Variants in ANO2 observed in about 807,000 individuals in gnomAD.
The protein encoded by ANO2 is anoctamin 2.
In ANO2, 101 loss-of-function variants were observed where a neutral mutation model predicts 124.2. The ratio of observed to expected loss-of-function variants is 0.81; its 90% CI spans 0.69 to 0.96. The LOEUF is 0.96. Ranked by LOEUF, ANO2 falls within the 40% of genes least tolerant of loss-of-function variation. ANO2 has a pLI of 0.00. For synonymous variants in ANO2, 486 were observed against 482.5 expected (o/e 1.01, Z -0.09); for missense variants, 1,293 against 1,274.5 (o/e 1.01, Z -0.22).
At chr12:5,716,930 T>C (rs1382528560) in intron 14 of ANO2, among the ~76,000 whole-genome samples, 2 of 152,194 alleles carry the variant, frequency 1.3e-5, no homozygotes, top group Admixed American at 1.3e-4. Context: ...CCCACGGCCC[T>C]AGACCAAGCA....
chr12:5,672,781 T>C (rs910525712), intron 14 of ANO2, among the ~76,000 whole-genome samples: 3 of 152,214 alleles, frequency 2.0e-5, no homozygotes, highest in African/African-American at 2.4e-5. Flanking sequence ...AATTTAAGGA[T>C]AGTTTGGGAG....
At chr12:5,920,187 G>A (rs1398086441) in intron 3 of ANO2, among the ~76,000 whole-genome samples, 1 of 152,064 alleles carries the variant, frequency 6.6e-6, no homozygotes, top group Non-Finnish European at 1.5e-5. Context: ...ACTGACCAGA[G>A]GTGAGAGTAT....
At chr12:5,722,278 G>A (rs1010351587) in intron 14 of ANO2, among the ~76,000 whole-genome samples, 17 of 152,158 alleles carry the variant, frequency 1.1e-4, no homozygotes, top group African/African-American at 3.9e-4. Context: ...AGGCTGAGAC[G>A]GGTGGATCAC....
At chr12:5,896,657 T>G (rs1939812892) in intron 3 of ANO2, among the ~76,000 whole-genome samples, 1 of 152,144 alleles carries the variant, frequency 6.6e-6, no homozygotes, top group African/African-American at 2.4e-5. Flanking sequence ...AGGAAATAAA[T>G]TTACAGAAAT....
chr12:5,941,731 A>G (rs1035937423), intron 1 of ANO2, among the ~76,000 whole-genome samples: 1 of 152,072 alleles, frequency 6.6e-6, no homozygotes, highest in Non-Finnish European at 1.5e-5. Context: ...CCAAAACTGA[A>G]TATCAAATCT....
chr12:5,674,097 C>A lies in ANO2; in HGVS notation c.1546-26296G>T, dbSNP rs114576171. ...CTTTAAGGCTTGCCTCAGTCACATG[C>A]AAAAGAGGGTGATCCCATAGAGAAA... On this transcript the variant is annotated intron_variant, in intron 14 of 24. Transcript: ENST00000682330. Among the ~76,000 whole-genome samples the A allele has an allele frequency of 6.7e-3, 1,018 of 152,240 alleles. 12 individuals are homozygous for A. The highest frequency in any genetic ancestry group is 0.023 in the African/African-American group (951 of 41,518).
chr12:5,817,342 G>C (rs1418816810), intron 7 of ANO2, among the ~76,000 whole-genome samples: 1 of 152,210 alleles, frequency 6.6e-6, no homozygotes, highest in Non-Finnish European at 1.5e-5. Flanking sequence ...AAACTGCTGT[G>C]GGACTAGCAG....
chr12:5,899,565 C>T (rs1940037197), intron 3 of ANO2, among the ~76,000 whole-genome samples: 1 of 152,222 alleles, frequency 6.6e-6, no homozygotes, highest in Non-Finnish European at 1.5e-5. Context: ...TTAATATATA[C>T]ATTTGGCATG....
intron 20 of ANO2, among the ~76,000 whole-genome samples, chr12:5,593,867 T>C (rs1017722180): frequency 6.6e-6 from 1 of 152,178 alleles, no homozygotes; most frequent in African/African-American, 2.4e-5. Context: ...TCAACGGCAG[T>C]ACCACCCCTA....
Position 5,563,463 on chromosome 12 carries a change from A to G in ANO2, c.2833T>C (p.Phe945Leu), listed in dbSNP as rs779577005. 19 of 1,613,860 alleles carry G rather than the reference A, an allele frequency of 1.2e-5. No homozygotes were observed. In the Admixed American group the frequency reaches 3.2e-4, roughly 27 times the overall value. The change falls in exon 25 of 25, where the codon TTC becomes CTC. Residue 945 changes from phenylalanine to leucine, a missense_variant. Transcript: ENST00000682330. ...AGCTTCTCATGCTCCTCTTTCAGGA[A>G]GAAATCCACTAATAAGCTCTTCTCT... ...KKEKSLLVDF[F>L]LKEEHEKLKL... is the part of the protein sequence containing the mutation.
chr12:5,782,362 G>A (rs1417873455), intron 10 of ANO2, among the ~76,000 whole-genome samples: 1 of 151,932 alleles, frequency 6.6e-6, no homozygotes, highest in Non-Finnish European at 1.5e-5. Flanking sequence ...GCATATAATT[G>A]GGTATTGCAT....
intron 15 of ANO2, among the ~76,000 whole-genome samples, chr12:5,638,336 C>T (rs199548693): frequency 6.1e-5 from 9 of 147,900 alleles, no homozygotes; most frequent in East Asian, 2.1e-4. Context: ...CCTGGGTTCA[C>T]GCCATTCTCC....
intron 17 of ANO2, among the ~76,000 whole-genome samples, chr12:5,613,462 A>T (rs1365646724): frequency 6.6e-6 from 1 of 152,202 alleles, no homozygotes; most frequent in Admixed American, 6.5e-5. Context: ...AAAGGAATAA[A>T]AGAAGCTTGT....
chr12:5,794,882 G>A (rs1410887537), intron 10 of ANO2, among the ~76,000 whole-genome samples: 1 of 152,246 alleles, frequency 6.6e-6, no homozygotes, highest in African/African-American at 2.4e-5. Context: ...AAGGAAATAA[G>A]TAATCACAGA....
In ANO2 at chr12:5,612,734, A is replaced by G. The variant is rs1399236609; in HGVS notation, c.2009T>C (p.Met670Thr). Residue 670 changes from methionine to threonine, a missense_variant, in exon 19 of 25, where the codon ATG becomes ACG. By Grantham distance (81) the Met-to-Thr change is moderately conservative (BLOSUM62 -1). Coordinates refer to ENST00000682330, the MANE Select transcript of ANO2 (RefSeq NM_001364791.2). The part of the protein sequence containing the change: ...MEECAPGGCL[M>T]ELCIQLSIIM... Reference sequence around the variant, plus strand: ...GATGCTGAGCTGAATGCAGAGCTCCATGAGACAGCCCCCTGGAGCACACTG... The same window carrying G: ...GATGCTGAGCTGAATGCAGAGCTCCGTGAGACAGCCCCCTGGAGCACACTG... The G allele has an allele frequency of 1.2e-6, 2 of 1,613,820 alleles. No individual in the cohort carries two copies. The highest frequency in any genetic ancestry group is 1.7e-6 in the Non-Finnish European group (2 of 1,179,872).
intron 19 of ANO2, among the ~76,000 whole-genome samples, chr12:5,607,180 G>A (rs1944263257): frequency 6.6e-6 from 1 of 152,032 alleles, no homozygotes; most frequent in Admixed American, 6.5e-5. Context: ...AAGCCACTGA[G>A]CCAGGAACAG....
chr12:5,827,596 C>G, intron 7 of ANO2, 173 bp downstream of exon 7: 1 of 724,784 alleles, frequency 1.4e-6, no homozygotes, highest in Admixed American at 2.3e-5. Flanking sequence ...AGAAATGGGA[C>G]CCCCGCTGCT....
At chr12:5,740,663 C>T (rs180738432) in intron 12 of ANO2, among the ~76,000 whole-genome samples, 23 of 152,192 alleles carry the variant, frequency 1.5e-4, no homozygotes, top group Non-Finnish European at 2.6e-4. Context: ...AGGAGGCATC[C>T]GAGCTGATTT....
Position 5,837,577 on chromosome 12 carries a change from T to C in ANO2, c.634-4974A>G, listed in dbSNP as rs536144891. On this transcript the variant is annotated intron_variant, in intron 4 of 24. Coordinates refer to ENST00000682330, the MANE Select transcript of ANO2 (RefSeq NM_001364791.2). The stretch of plus-strand genomic sequence containing the variant: ...CACCTATGAGTGAGAATATGCAGTG[T>C]TTGCTTTTTTGTTCTTGCGATAGTT... Among the ~76,000 whole-genome samples, 24 of 150,088 alleles carry C rather than the reference T, an allele frequency of 1.6e-4. No homozygotes were observed. The South Asian group carries it at 5.1e-3, about 32-fold the overall frequency.
Sources: allele counts gnomAD v4.1 joint callset (sites outside exome capture counted in the v4.1 genomes callset), GRCh38; gene constraint gnomAD v4.1.1; transcripts MANE v1.5; gene names NCBI Gene and HGNC (gene_info 2026-07-23, HGNC 2026-07-21).